Variants in SCAMP1 observed in about 807,000 individuals in gnomAD.
SCAMP1 encodes the protein secretory carrier membrane protein 1, also known as secretory carrier-associated membrane protein 1.
A neutral mutation model predicts 41.8 loss-of-function variants in SCAMP1; 15 were observed. The observed-to-expected ratio is 0.36, with a 90% confidence interval of 0.24 to 0.55. The LOEUF (loss-of-function observed/expected upper bound fraction) is 0.55. Among genes scored for constraint, SCAMP1 ranks in the 20% least tolerant of loss-of-function variants. The pLI, the probability that SCAMP1 is intolerant of heterozygous loss-of-function variation, is 0.86. For synonymous variants in SCAMP1, 135 were observed against 136.8 expected (o/e 0.99, Z 0.09); for missense variants, 341 against 412.6 (o/e 0.83, Z 1.50).
Position 78,475,927 on chromosome 5 carries a change from G to T in SCAMP1, c.*259G>T. On this transcript the variant is annotated 3_prime_UTR_variant, in exon 9 of 9. Transcript: ENST00000621999. Reference sequence around the variant, plus strand: ...CCATATTTTTGGGGGATGACATTCAGTGAATTATTTCAGTGGTGACCCACT... The same window carrying T: ...CCATATTTTTGGGGGATGACATTCATTGAATTATTTCAGTGGTGACCCACT... 1 of 212,726 alleles carries T rather than the reference G, an allele frequency of 4.7e-6. No individual in the cohort carries two copies. 13.2% of individuals were successfully genotyped at this position (212,726 alleles called of 1,614,324 possible).
At chr5:78,389,958 C>T (rs181410362) in intron 2 of SCAMP1, among the ~76,000 whole-genome samples, 2 of 152,242 alleles carry the variant, frequency 1.3e-5, no homozygotes, top group East Asian at 1.9e-4. Flanking sequence ...GTTCTGAGAG[C>T]GCTTCTAGAA....
chr5:78,378,205 A>G (rs1751112705), intron 1 of SCAMP1, among the ~76,000 whole-genome samples: 1 of 152,236 alleles, frequency 6.6e-6, no homozygotes, highest in African/African-American at 2.4e-5. Flanking sequence ...AGCAGATATC[A>G]TAGTAAGTGT....
chr5:78,443,263 A>T (rs548508520), intron 6 of SCAMP1, among the ~76,000 whole-genome samples: 49 of 151,376 alleles, frequency 3.2e-4, no homozygotes, highest in Non-Finnish European at 6.3e-4. Flanking sequence ...AGATGCACAG[A>T]TAAGTAGCAG....
At chr5:78,457,159 T>C (rs1753430803) in intron 7 of SCAMP1, among the ~76,000 whole-genome samples, 1 of 151,380 alleles carries the variant, frequency 6.6e-6, no homozygotes, top group Admixed American at 6.6e-5. Context: ...AGTAATTTGA[T>C]CGTCTGAAGC....
intron 2 of SCAMP1, among the ~76,000 whole-genome samples, chr5:78,409,627 G>A (rs915522395): frequency 6.6e-5 from 10 of 152,098 alleles, no homozygotes; most frequent in Non-Finnish European, 1.5e-4. Context: ...CTACAGATGT[G>A]AAGAAATTAT....
intron 2 of SCAMP1, among the ~76,000 whole-genome samples, chr5:78,412,732 T>C (rs1477883247): frequency 6.6e-6 from 1 of 152,218 alleles, no homozygotes; most frequent in East Asian, 1.9e-4. Context: ...CTTTTGCTAG[T>C]TTTTCGATTA....
At chr5:78,367,374 G>A (rs1211784161) in intron 1 of SCAMP1, among the ~76,000 whole-genome samples, 2 of 151,882 alleles carry the variant, frequency 1.3e-5, no homozygotes, top group African/African-American at 4.8e-5. Context: ...GTTCTTTTCT[G>A]GAGTCACTAA....
chr5:78,401,261 T>G (rs1258382256), intron 2 of SCAMP1, among the ~76,000 whole-genome samples: 1 of 152,136 alleles, frequency 6.6e-6, no homozygotes, highest in Non-Finnish European at 1.5e-5. Flanking sequence ...TGGAGATTTT[T>G]GCATCCATGT....
chr5:78,450,612 C>T (rs938476829), intron 7 of SCAMP1, among the ~76,000 whole-genome samples: 1 of 152,308 alleles, frequency 6.6e-6, no homozygotes, highest in Non-Finnish European at 1.5e-5. Context: ...TTAGGTCTCT[C>T]TTTACATTCT....
At chr5:78,456,380 G>C (rs1753401316) in intron 7 of SCAMP1, among the ~76,000 whole-genome samples, 1 of 151,916 alleles carries the variant, frequency 6.6e-6, no homozygotes, top group Non-Finnish European at 1.5e-5. Flanking sequence ...GGCAGGCCTG[G>C]TGGTGACAAA....
At chr5:78,385,820 A>G (rs1751327176) in intron 1 of SCAMP1, among the ~76,000 whole-genome samples, 1 of 152,044 alleles carries the variant, frequency 6.6e-6, no homozygotes, top group South Asian at 2.1e-4. Context: ...TACTTGATGT[A>G]ATTTTGATTT....
chr5:78,387,326 T>C lies in SCAMP1; in HGVS notation c.58-1511T>C, dbSNP rs112268092. On this transcript the variant is annotated intron_variant, in intron 1 of 8. Coordinates refer to ENST00000621999, the MANE Select transcript of SCAMP1 (RefSeq NM_004866.6). ...AGTTGCGATTGTTTTTTATTTATGCTATTTCACTGAAAATTTTTCCATTCA... is the reference window on the plus strand; with the variant it reads ...AGTTGCGATTGTTTTTTATTTATGCCATTTCACTGAAAATTTTTCCATTCA... 1.8e-3 allele frequency among the ~76,000 whole-genome samples: 270 copies of C among 151,864 alleles called. 1 individual carries two copies. Among genetic ancestry groups the C allele is most frequent in the African/African-American group, 5.7e-3 (238 of 41,488 alleles).
At chr5:78,390,581 G>C (rs1053414276) in intron 2 of SCAMP1, among the ~76,000 whole-genome samples, 1 of 151,958 alleles carries the variant, frequency 6.6e-6, no homozygotes, top group Non-Finnish European at 1.5e-5. Flanking sequence ...CTTTTAACTT[G>C]ATTTCTAGGA....
In SCAMP1 at chr5:78,360,906, T is replaced by G. The variant is rs1750627742; in HGVS notation, c.57+178T>G. The G allele has an allele frequency of 4.7e-5, 29 of 618,182 alleles. No homozygotes were observed. The South Asian group carries it at 5.2e-4, about 11-fold the overall frequency. 38.3% of individuals were successfully genotyped at this position (618,182 alleles called of 1,614,324 possible). On this transcript the variant is annotated intron_variant, in intron 1 of 8. Transcript: ENST00000621999. ...CCCGGCCCCGTGTCACTCCTTTGGGTTTTGGGGCTTGGGGGTGGAACCTCC... is the reference window on the plus strand; with the variant it reads ...CCCGGCCCCGTGTCACTCCTTTGGGGTTTGGGGCTTGGGGGTGGAACCTCC...
At chr5:78,415,461 G>T in intron 2 of SCAMP1, 59 bp from the exon 3 acceptor site, 1 of 1,019,078 alleles carries the variant, frequency 9.8e-7, no homozygotes, top group South Asian at 1.5e-5. Flanking sequence ...TATACTTTTT[G>T]AAAGAAGTTA....
At chr5:78,426,920 G>T (rs1752484182) in intron 6 of SCAMP1, among the ~76,000 whole-genome samples, 1 of 152,120 alleles carries the variant, frequency 6.6e-6, no homozygotes, top group Non-Finnish European at 1.5e-5. Context: ...TTGTTAAATG[G>T]TATTCCATTG....
chr5:78,400,989 C>T (rs1350800741), intron 2 of SCAMP1, among the ~76,000 whole-genome samples: 2 of 152,076 alleles, frequency 1.3e-5, no homozygotes, highest in African/African-American at 4.8e-5. Context: ...TGTAGGTGTT[C>T]TTTATCAAAT....
intron 1 of SCAMP1, among the ~76,000 whole-genome samples, chr5:78,362,300 T>TGAC (rs1385199389): frequency 6.6e-6 from 1 of 152,272 alleles, no homozygotes; most frequent in Non-Finnish European, 1.5e-5. Context: ...ATTCAGCATC[T>TGAC]GACGATTTGG....
rs1396118880 is a variant in SCAMP1, at chr5:78,477,865, C to T, written c.*2197C>T. The T allele has an allele frequency of 2.0e-5, 3 of 151,964 alleles. No individual in the cohort carries two copies. Among genetic ancestry groups the T allele is most frequent in the Non-Finnish European group, 4.4e-5 (3 of 67,968 alleles). The allele number at this position is 151,964 out of a possible 1,614,324, so 9.4% of individuals were successfully genotyped here. A position where few individuals can be genotyped will look rare whatever the true frequency, so the allele number is the denominator to read the frequency against. ...TTTAAATTCTTATATTTACTTTTCT[C>T]TCAGTAAATTGTTAAATTTTCACTC... On this transcript the variant is annotated 3_prime_UTR_variant, in exon 9 of 9. Coordinates refer to ENST00000621999, the MANE Select transcript of SCAMP1 (RefSeq NM_004866.6).
Sources: gnomAD v4.1 joint callset for allele counts (sites outside exome capture counted in the v4.1 genomes callset) on GRCh38, gnomAD v4.1.1 for gene constraint, MANE v1.5 for transcripts, NCBI Gene and HGNC (gene_info 2026-07-23, HGNC 2026-07-21) for gene names.